Variants in DDX10 observed in about 807,000 individuals in gnomAD.
The protein encoded by DDX10 is probable ATP-dependent RNA helicase DDX10.
DDX10 carries 74 observed loss-of-function variants against 104.3 expected under a neutral mutation model. That is an observed-to-expected ratio of 0.71 (90% CI 0.59 to 0.86). The LOEUF (loss-of-function observed/expected upper bound fraction) is 0.86. Among genes scored for constraint, DDX10 ranks in the 40% least tolerant of loss-of-function variants. DDX10 has a pLI of 0.00. For missense variants in DDX10, 952 were observed against 1,040.0 expected (o/e 0.92, Z 1.16); for synonymous variants, 351 against 353.4 (o/e 0.99, Z 0.08).
intron 13 of DDX10, among the ~76,000 whole-genome samples, chr11:108,759,417 A>G (rs2094348100): frequency 6.6e-6 from 1 of 150,876 alleles, no homozygotes; most frequent in Admixed American, 6.6e-5. Context: ...TTCCTACTCT[A>G]TTTGAACTTA....
chr11:108,854,214 G>T (rs1565299363), intron 16 of DDX10, among the ~76,000 whole-genome samples: 2 of 152,154 alleles, frequency 1.3e-5, no homozygotes, highest in Admixed American at 6.5e-5. Context: ...AGGCTCTCAT[G>T]GCTTTTGAGG....
intron 13 of DDX10, among the ~76,000 whole-genome samples, chr11:108,771,562 G>A (rs940348345): frequency 2.0e-5 from 3 of 152,146 alleles, no homozygotes; most frequent in South Asian, 4.2e-4. Flanking sequence ...AGCCAGGATG[G>A]TCTCGATCTC....
chr11:108,802,245 A>G (rs1862032844), intron 13 of DDX10, among the ~76,000 whole-genome samples: 1 of 152,162 alleles, frequency 6.6e-6, no homozygotes, highest in Admixed American at 6.5e-5. Context: ...TCCAAAATCC[A>G]AAAATCTGAA....
intron 13 of DDX10, among the ~76,000 whole-genome samples, chr11:108,807,715 T>C (rs1862120192): frequency 6.6e-6 from 1 of 152,178 alleles, no homozygotes; most frequent in Non-Finnish European, 1.5e-5. Flanking sequence ...ACCTGGACTT[T>C]TCTGGGTCTG....
intron 15 of DDX10, among the ~76,000 whole-genome samples, chr11:108,842,297 C>T (rs771611637): frequency 1.3e-5 from 2 of 151,994 alleles, no homozygotes; most frequent in East Asian, 1.9e-4. Flanking sequence ...CTTTCTTTAG[C>T]GTGCTTTTGA....
At chr11:108,786,133 T>G (rs895133030) in intron 13 of DDX10, among the ~76,000 whole-genome samples, 1 of 152,142 alleles carries the variant, frequency 6.6e-6, no homozygotes, top group African/African-American at 2.4e-5. Context: ...AGCAGGTTGT[T>G]TAATTTCTAT....
chr11:108,708,257 A>C (rs2094279255), intron 10 of DDX10, among the ~76,000 whole-genome samples: 1 of 148,772 alleles, frequency 6.7e-6, no homozygotes, highest in Non-Finnish European at 1.5e-5. Context: ...GATTTTGTTA[A>C]AAAAAATTTT....
At chr11:108,760,170 C>CG (rs1358517669) in intron 13 of DDX10, among the ~76,000 whole-genome samples, 1 of 151,730 alleles carries the variant, frequency 6.6e-6, no homozygotes, top group African/African-American at 2.4e-5. Context: ...GGTTGATTCC[C>CG]CCCCCACCCT....
At chr11:108,726,949 G>A (rs1019816843) in intron 13 of DDX10, among the ~76,000 whole-genome samples, 2 of 151,928 alleles carry the variant, frequency 1.3e-5, no homozygotes, top group African/African-American at 4.8e-5. Flanking sequence ...GTGATGACGT[G>A]GTGGTTTTTA....
At chr11:108,790,428 A>G (rs181090218) in intron 13 of DDX10, among the ~76,000 whole-genome samples, 3 of 152,358 alleles carry the variant, frequency 2.0e-5, no homozygotes, top group East Asian at 3.9e-4. Context: ...TAAGGTAAAT[A>G]TAATCTATAT....
At chr11:108,694,343 C>T (rs1368511350) in intron 9 of DDX10, among the ~76,000 whole-genome samples, 1 of 152,094 alleles carries the variant, frequency 6.6e-6, no homozygotes, top group Non-Finnish European at 1.5e-5. Context: ...ATCCACAGAG[C>T]CAGGATTTGA....
At chr11:108,729,198 A>G (rs1001899184) in intron 13 of DDX10, among the ~76,000 whole-genome samples, 17 of 152,214 alleles carry the variant, frequency 1.1e-4, no homozygotes, top group African/African-American at 3.6e-4. Context: ...AAGATGACCT[A>G]GGTCTCTTTG....
chr11:108,860,551 T>C (rs1002979759), intron 16 of DDX10: 3 of 152,152 alleles, frequency 2.0e-5, no homozygotes, highest in Non-Finnish European at 4.4e-5. Flanking sequence ...TTTTTTTCTT[T>C]TTTCTTTTTT....
intron 11 of DDX10, among the ~76,000 whole-genome samples, 180 bp downstream of exon 11, chr11:108,716,146 A>T (rs2094291004): frequency 6.6e-6 from 1 of 151,832 alleles, no homozygotes; most frequent in African/African-American, 2.4e-5. Context: ...CCCTAGCTGG[A>T]GTGCAGTGGC....
chr11:108,704,004 A>C (rs1339551692), intron 9 of DDX10, among the ~76,000 whole-genome samples: 1 of 151,906 alleles, frequency 6.6e-6, no homozygotes, highest in African/African-American at 2.4e-5. Flanking sequence ...CACTGTTACT[A>C]TTTGTCTTAA....
At chr11:108,939,533 C>T (rs930267856) in intron 17 of DDX10, among the ~76,000 whole-genome samples, 1 of 152,166 alleles carries the variant, frequency 6.6e-6, no homozygotes, top group African/African-American at 2.4e-5. Context: ...ATAATTGGGT[C>T]ATCTTGGAAC....
intron 10 of DDX10, among the ~76,000 whole-genome samples, chr11:108,707,315 GTC>G: frequency 6.6e-6 from 1 of 151,932 alleles, no homozygotes; most frequent in Admixed American, 6.6e-5. Flanking sequence ...TCTTTTTACT[GTC>G]TCTATAGTTT....
In DDX10 at chr11:108,665,160, A is replaced by G. The variant is rs2094208316; in HGVS notation, c.7A>G (p.Lys3Glu). The G allele has an allele frequency of 6.2e-7, 1 of 1,607,780 alleles. No individual in the cohort carries two copies. Among genetic ancestry groups the G allele is most frequent in the African/African-American group, 1.3e-5 (1 of 74,508 alleles). Residue 3 changes from lysine (K) to glutamate (E), a missense_variant, in exon 1 of 18, where the codon AAA (lysine) becomes GAA (glutamate). This residue lies in a region of DDX10 where 412 missense variants were observed against 479.2 expected (regional missense o/e 0.86). Coordinates refer to ENST00000322536, the MANE Select transcript of DDX10 (RefSeq NM_004398.4). MG[K>E]TANSPGSGAR... ...TGTCGCCGCCGCCGCCGCAATGGGC[A>G]AAACGGCCAACTCTCCGGGTTCGGG...
At chr11:108,751,395 A>G (rs766511938) in intron 13 of DDX10, among the ~76,000 whole-genome samples, 3 of 152,170 alleles carry the variant, frequency 2.0e-5, no homozygotes, top group Non-Finnish European at 4.4e-5. Flanking sequence ...GAAACTTTCC[A>G]TGAGTTTGGA....
Sources: gnomAD v4.1 joint callset for allele counts (sites outside exome capture counted in the v4.1 genomes callset) on GRCh38, gnomAD v4.1.1 for gene constraint, gnomAD v4.1.1 regional missense constraint, MANE v1.5 for transcripts, NCBI Gene and HGNC (gene_info 2026-07-23, HGNC 2026-07-21) for gene names.